The following TAFA2 variants were observed in gnomAD, a reference collection of about 807,000 sequenced individuals.
TAFA2 encodes the protein TAFA chemokine like family member 2.
In TAFA2, 7 loss-of-function variants were observed where a neutral mutation model predicts 18.8. The ratio of observed to expected loss-of-function variants is 0.37; its 90% CI spans 0.21 to 0.70. The LOEUF is 0.70. Among genes scored for constraint, TAFA2 ranks in the 30% least tolerant of loss-of-function variants. The pLI is 0.53. For synonymous variants in TAFA2, 60 were observed against 54.2 expected, an observed-to-expected ratio of 1.11 and a Z score of -0.47; for missense variants, 122 against 158.1, an observed-to-expected ratio of 0.77 and a Z score of 1.23.
intron 1 of TAFA2, among the ~76,000 whole-genome samples, chr12:61,964,390 A>T (rs553899235): frequency 6.6e-6 from 1 of 151,946 alleles, no homozygotes; most frequent in East Asian, 1.9e-4. Flanking sequence ...AGTCTCCTGA[A>T]TTATCTTCCT....
chr12:61,921,616 T>A (rs1409761372), intron 1 of TAFA2, among the ~76,000 whole-genome samples: 1 of 152,148 alleles, frequency 6.6e-6, no homozygotes. Flanking sequence ...GATTTCCATT[T>A]TGTACACATC....
intron 2 of TAFA2, among the ~76,000 whole-genome samples, chr12:61,843,159 T>C (rs151128096): frequency 1.3e-4 from 20 of 152,086 alleles, no homozygotes; most frequent in Admixed American, 1.2e-3. Context: ...CCTAAAAGCA[T>C]ATGGGGAAAA....
At chr12:62,209,435 G>A (rs970828850) in intron 1 of TAFA2, among the ~76,000 whole-genome samples, 3 of 152,186 alleles carry the variant, frequency 2.0e-5, no homozygotes, top group Non-Finnish European at 2.9e-5. Flanking sequence ...GCTGAACTGT[G>A]AGTCAATTAA....
rs559930414 is a variant in TAFA2, at chr12:61,929,505, A to G, written c.-1-62079T>C. On this transcript the variant is annotated intron_variant, in intron 1 of 4. Coordinates refer to ENST00000416284, the MANE Select transcript of TAFA2 (RefSeq NM_178539.5). ...GCAATCATTAAAAAGTCAGGAAACAACAGGTGCTGGAGAGGATGGGGAGAA... is the reference window on the plus strand; with the variant it reads ...GCAATCATTAAAAAGTCAGGAAACAGCAGGTGCTGGAGAGGATGGGGAGAA... Among the ~76,000 whole-genome samples the G allele has an allele frequency of 2.0e-4, 31 of 152,298 alleles. 1 individual carries two copies. In the South Asian group the frequency reaches 6.2e-3, roughly 31 times the overall value.
intron 1 of TAFA2, among the ~76,000 whole-genome samples, chr12:62,114,995 G>A (rs1869899305): frequency 6.6e-6 from 1 of 152,180 alleles, no homozygotes. Context: ...ATCTTATGCA[G>A]TGTGACTTTG....
At chr12:62,193,509 T>A (rs1218724000), upstream of TAFA2, among the ~76,000 whole-genome samples, 3 of 152,250 alleles carry the variant, frequency 2.0e-5, no homozygotes, top group African/African-American at 7.2e-5. Context: ...ACATACCATA[T>A]TTACAAAGAA....
At chr12:61,924,669 A>G (rs1877201277) in intron 1 of TAFA2, among the ~76,000 whole-genome samples, 1 of 152,240 alleles carries the variant, frequency 6.6e-6, no homozygotes, top group Admixed American at 6.5e-5. Flanking sequence ...CACTATGAAG[A>G]AAGTGTATGA....
chr12:61,813,402 C>A (rs1871954324), intron 2 of TAFA2, among the ~76,000 whole-genome samples: 1 of 151,074 alleles, frequency 6.6e-6, no homozygotes. Flanking sequence ...TTTTTTCTGT[C>A]ATATATACTG....
chr12:62,210,016 C>G (rs1479658208), intron 1 of TAFA2, among the ~76,000 whole-genome samples: 2 of 151,930 alleles, frequency 1.3e-5, no homozygotes, highest in African/African-American at 4.8e-5. Flanking sequence ...CTGGCTAACA[C>G]AGTGAAACCC....
chr12:62,213,378 C>T (rs1485867354), intron 1 of TAFA2, among the ~76,000 whole-genome samples: 2 of 152,170 alleles, frequency 1.3e-5, no homozygotes, highest in African/African-American at 2.4e-5. Context: ...GGCGTGGTGG[C>T]TCACACCTGT....
In TAFA2 at chr12:61,867,390, T is replaced by C. The variant is rs1272930784; in HGVS notation, c.36A>G (p.Gly12=). The change falls in exon 2 of 5, where the codon GGA becomes GGG. Residue 12 remains glycine (G), a synonymous_variant. Transcript: ENST00000416284. ...SKRYLQKATK[G]KLLIIIFIVT... is the part of the protein sequence containing the mutation. ...CAATAAATATTATTATTAGCAGTTT[T>C]CCTTTTGTTGCTTTCTGTAAGTATC... is the stretch of plus-strand genomic sequence containing the variant. The C allele has an allele frequency of 6.2e-6, 10 of 1,608,648 alleles. No homozygotes were observed. The highest frequency in any genetic ancestry group is 8.5e-6 in the Non-Finnish European group (10 of 1,175,820).
chr12:61,935,573 T>A (rs1004156303), intron 1 of TAFA2, among the ~76,000 whole-genome samples: 6 of 152,142 alleles, frequency 3.9e-5, no homozygotes, highest in Non-Finnish European at 5.9e-5. Context: ...TTAACAAGAA[T>A]CACAGTTTTA....
chr12:61,844,696 G>A (rs1873329443), intron 2 of TAFA2, among the ~76,000 whole-genome samples: 1 of 152,106 alleles, frequency 6.6e-6, no homozygotes, highest in Admixed American at 6.6e-5. Flanking sequence ...ACAGTTACAG[G>A]AGAAGCAATA....
At chr12:61,879,731 G>A in intron 1 of TAFA2, 1 of 1,184,068 alleles carries the variant, frequency 8.4e-7, no homozygotes, top group Admixed American at 1.7e-5. Flanking sequence ...GAGCAACATG[G>A]ACAACATGTT....
intron 2 of TAFA2, among the ~76,000 whole-genome samples, chr12:61,799,253 G>A (rs1373441476): frequency 1.3e-5 from 2 of 152,092 alleles, no homozygotes; most frequent in Non-Finnish European, 2.9e-5. Context: ...ATAATAATGT[G>A]CTGTTTATAG....
At chr12:62,170,862 A>T (rs535499594) in intron 1 of TAFA2, among the ~76,000 whole-genome samples, 71 of 152,288 alleles carry the variant, frequency 4.7e-4, no homozygotes, top group African/African-American at 1.6e-3. Flanking sequence ...GGGTTTCATC[A>T]GGTAGCAGAT....
chr12:61,753,569 G>T (rs904124778), intron 4 of TAFA2, 53 bp downstream of exon 4: 23 of 1,552,094 alleles, frequency 1.5e-5, no homozygotes, highest in Non-Finnish European at 1.8e-5. Context: ...CACAAGCTCC[G>T]TTCTCTATTA....
At chr12:62,141,506 G>C (rs375787634) in intron 1 of TAFA2, among the ~76,000 whole-genome samples, 2 of 152,132 alleles carry the variant, frequency 1.3e-5, no homozygotes, top group East Asian at 3.9e-4. Context: ...ATAAACCTCA[G>C]ACTTGCTATT....
At chr12:62,146,864 A>T (rs904280205) in intron 1 of TAFA2, among the ~76,000 whole-genome samples, 2 of 152,044 alleles carry the variant, frequency 1.3e-5, no homozygotes, top group Non-Finnish European at 2.9e-5. Flanking sequence ...GAGCTTTAAA[A>T]CTATTTGTTT....
Sources: gnomAD v4.1 joint callset for allele counts (sites outside exome capture counted in the v4.1 genomes callset) on GRCh38, gnomAD v4.1.1 for gene constraint, MANE v1.5 for transcripts, NCBI Gene and HGNC (gene_info 2026-07-23, HGNC 2026-07-21) for gene names.